The following PCDHGA1 variants were observed in gnomAD, a reference collection of about 807,000 sequenced individuals.
PCDHGA1 encodes protocadherin gamma subfamily A, 1.
Under a neutral mutation model 58.0 loss-of-function variants are expected in PCDHGA1, and 32 were observed. The observed-to-expected ratio is 0.55, with a 90% CI of 0.42 to 0.74. The LOEUF (loss-of-function observed/expected upper bound fraction) is 0.74, where lower values mean the gene tolerates loss of function less well. Ranked by LOEUF, PCDHGA1 falls within the 30% of genes least tolerant of loss-of-function variation. PCDHGA1 has a pLI of 0.00. For synonymous variants in PCDHGA1, 498 were observed against 501.1 expected (o/e 0.99, Z 0.08); for missense variants, 1,205 against 1,182.3 (o/e 1.02, Z -0.28).
intron 1 of PCDHGA1, chr5:141,344,642 GA>G (rs766211480): frequency 3.1e-6 from 5 of 1,613,820 alleles, no homozygotes; most frequent in Non-Finnish European, 3.4e-6. Context: ...TGGACCGTGA[GA>G]AAAAAGAAAT....
Position 141,332,358 on chromosome 5 carries a change from C to A in PCDHGA1, c.1674C>A (p.Asn558Lys). Residue 558 changes from asparagine (N) to lysine (K), a missense_variant, in exon 1 of 4, where the codon AAC (asparagine) becomes AAA (lysine). Transcript: ENST00000517417. This position sits in a 1 kb window ranked among gnomAD's most constrained non-coding sequence, Gnocchi z 4.6. Reference sequence around the variant, plus strand: ...TATTCCTGCTGGACCAGAACGACAACGCGCCCGAGATCCTGTACCCCGCCC... The same window carrying A: ...TATTCCTGCTGGACCAGAACGACAAAGCGCCCGAGATCCTGTACCCCGCCC... The part of the protein sequence containing the change: ...LSLFLLDQND[N>K]APEILYPALP... 6.2e-7 allele frequency: 1 copy of A among 1,614,210 alleles called. No individual in the cohort carries two copies. The highest frequency in any genetic ancestry group is 8.5e-7 in the Non-Finnish European group (1 of 1,180,036).
rs539892249 is a variant in PCDHGA1 at position 141,500,355 on chromosome 5, C to T, written c.2481-5038C>T. ...TCCAGAATAGCTGGGACTACAGGCG[C>T]CCACTACCACGCCCGGCTAATTATT... On this transcript the variant is annotated intron_variant, in intron 2 of 3. Coordinates refer to ENST00000517417, the MANE Select transcript of PCDHGA1 (RefSeq NM_018912.3). Among the ~76,000 whole-genome samples, 274 of 152,030 alleles carry T rather than the reference C, an allele frequency of 1.8e-3. 2 individuals are homozygous for T. The highest frequency in any genetic ancestry group is 6.3e-3 in the African/African-American group (263 of 41,478).
At chr5:141,355,900 G>C in intron 1 of PCDHGA1, 1 of 1,613,626 alleles carries the variant, frequency 6.2e-7, no homozygotes, top group Non-Finnish European at 8.5e-7. Flanking sequence ...AATACTTGTG[G>C]ATACCAACGA....
chr5:141,427,960 G>A, intron 1 of PCDHGA1: 2 of 1,589,168 alleles, frequency 1.3e-6, no homozygotes, highest in East Asian at 2.2e-5. Context: ...AATGTGCCGC[G>A]GGTGCTGTAC....
chr5:141,451,521 TAAAGG>T (rs1187561043), intron 1 of PCDHGA1, among the ~76,000 whole-genome samples: 1 of 152,148 alleles, frequency 6.6e-6, no homozygotes, highest in Non-Finnish European at 1.5e-5. Context: ...TTAGAGCAAG[TAAAGG>T]AGAGTGCCAG....
At chr5:141,364,412 T>C (rs1423662682) in intron 1 of PCDHGA1, 2 of 1,612,244 alleles carry the variant, frequency 1.2e-6, no homozygotes, top group East Asian at 2.2e-5. Context: ...CGAGCCAGGA[T>C]CCGGGCAGAT....
At chr5:141,350,525 C>T in intron 1 of PCDHGA1, 2 of 1,613,934 alleles carry the variant, frequency 1.2e-6, no homozygotes, top group Non-Finnish European at 1.7e-6. Flanking sequence ...TAGGATAGAT[C>T]GAGAGAAGAT....
chr5:141,331,528 C>G lies in PCDHGA1; in HGVS notation c.844C>G (p.His282Asp). Residue 282 changes from histidine (H) to aspartate (D), a missense_variant, in exon 1 of 4, where the codon CAC becomes GAC. His to Asp is a moderately conservative substitution (Grantham distance 81, BLOSUM62 -1). Transcript: ENST00000517417. Reference protein sequence around the residue: ...GANGEVTYSFHNVDHRVAQIF... With the variant: ...GANGEVTYSFDNVDHRVAQIF... ...CAATGGGGAAGTAACGTACTCCTTT[C>G]ACAATGTAGACCACAGAGTGGCCCA... The G allele has an allele frequency of 1.9e-6, 3 of 1,614,198 alleles. No individual in the cohort carries two copies. Among genetic ancestry groups the G allele is most frequent in the Non-Finnish European group, 2.5e-6 (3 of 1,180,050 alleles).
intron 1 of PCDHGA1, chr5:141,345,829 G>A (rs755143923): frequency 1.9e-6 from 3 of 1,612,686 alleles, no homozygotes; most frequent in Non-Finnish European, 2.5e-6. Context: ...AGAGACTCGG[G>A]CCAGAACGCC....
chr5:141,393,979 AT>A (rs2092890598), intron 1 of PCDHGA1: 1 of 1,613,732 alleles, frequency 6.2e-7, no homozygotes, highest in South Asian at 1.1e-5. Context: ...ACACGTGATA[AT>A]TTACCTTTTA....
intron 1 of PCDHGA1, among the ~76,000 whole-genome samples, chr5:141,451,924 G>C (rs1337159204): frequency 1.3e-5 from 2 of 152,008 alleles, no homozygotes; most frequent in African/African-American, 4.8e-5. Context: ...AAGGAAGGGA[G>C]GTAGGGAGGC....
At chr5:141,357,924 T>C in intron 1 of PCDHGA1, among the ~76,000 whole-genome samples, 1 of 152,216 alleles carries the variant, frequency 6.6e-6, no homozygotes, top group Non-Finnish European at 1.5e-5. Flanking sequence ...GTGTGGTGGC[T>C]CACACCTGTA....
intron 1 of PCDHGA1, chr5:141,418,230 A>T (rs745395585): frequency 6.2e-7 from 1 of 1,614,058 alleles, no homozygotes; most frequent in Non-Finnish European, 8.5e-7. Context: ...GTGGTGATTG[A>T]GGATGTTAAT....
chr5:141,384,341 G>A (rs373965421), intron 1 of PCDHGA1: 3 of 1,613,758 alleles, frequency 1.9e-6, no homozygotes, highest in Admixed American at 1.7e-5. Context: ...GACCACGACA[G>A]TGAGGATAAT....
Position 141,331,785 on chromosome 5 carries a change from T to C in PCDHGA1, c.1101T>C (p.Ala367=). 2 of 1,614,162 alleles carry C rather than the reference T, an allele frequency of 1.2e-6. No individual in the cohort carries two copies. Among genetic ancestry groups the C allele is most frequent in the South Asian group, 2.2e-5 (2 of 91,078 alleles). ...ACTTTCCTCCTGGGACCATAATTGCTCTTATCAGTGTGCATGACCAGGACT... is the reference window on the plus strand; with the variant it reads ...ACTTTCCTCCTGGGACCATAATTGCCCTTATCAGTGTGCATGACCAGGACT... The part of the protein sequence containing the change: ...PENFPPGTII[A]LISVHDQDSG... Residue 367 remains alanine, a synonymous_variant, in exon 1 of 4, where the codon GCT becomes GCC. Transcript: ENST00000517417.
chr5:141,421,468 C>A (rs759548375), intron 1 of PCDHGA1: 9 of 1,614,096 alleles, frequency 5.6e-6, no homozygotes, highest in Non-Finnish European at 5.9e-6. Flanking sequence ...TGTGAATCCG[C>A]GAAGCGGCAG....
Position 141,332,238 on chromosome 5 carries a change from A to G in PCDHGA1, c.1554A>G (p.Arg518=), listed in dbSNP as rs1186781033. The change falls in exon 1 of 4, where the codon CGA becomes CGG. Residue 518 remains arginine (R), a synonymous_variant. Coordinates refer to ENST00000517417, the MANE Select transcript of PCDHGA1 (RefSeq NM_018912.3). The surrounding 1 kb of genome is among the most constrained non-coding windows in gnomAD (Gnocchi z 4.6). Reference sequence around the variant, plus strand: ...ACACTGGGGTCCTGTATGCGCTGCGATCCTTCGACTATGAGCAGTTCCGGG... The same window carrying G: ...ACACTGGGGTCCTGTATGCGCTGCGGTCCTTCGACTATGAGCAGTTCCGGG... ...NSDTGVLYAL[R]SFDYEQFRDM... is the part of the protein sequence containing the mutation. The G allele has an allele frequency of 4.3e-6, 7 of 1,614,060 alleles. No homozygotes were observed. The highest frequency in any genetic ancestry group is 5.9e-6 in the Non-Finnish European group (7 of 1,180,042).
In PCDHGA1 at chr5:141,408,237, G is replaced by C. The variant is rs1445060280; in HGVS notation, c.2421+75132G>C. 3.2e-6 allele frequency: 5 copies of C among 1,575,002 alleles called. No individual in the cohort carries two copies. In the South Asian group the frequency reaches 4.6e-5, roughly 14 times the overall value. On this transcript the variant is annotated intron_variant, in intron 1 of 3. Transcript: ENST00000517417. ...AGCTGCGCGCAGAGGCGCCGGGCCG[G>C]CCCGCGGCAGGTGCTATTTCCTTTG...
chr5:141,347,043 C>G (rs1420277817), intron 1 of PCDHGA1, among the ~76,000 whole-genome samples: 18 of 149,954 alleles, frequency 1.2e-4, no homozygotes, highest in Admixed American at 1.1e-3. Flanking sequence ...TCCTTCCTCT[C>G]TCTCTTTCCT....
Sources: gnomAD v4.1 joint callset for allele counts (sites outside exome capture counted in the v4.1 genomes callset) on GRCh38, gnomAD v4.1.1 for gene constraint, Gnocchi (gnomAD v3.1) non-coding constraint, MANE v1.5 for transcripts, NCBI Gene and HGNC (gene_info 2026-07-23, HGNC 2026-07-21) for gene names.